Variants in KDM4A observed in about 807,000 individuals in gnomAD.
The protein encoded by KDM4A is lysine-specific demethylase 4A.
KDM4A carries 23 observed loss-of-function variants against 127.1 expected under a neutral mutation model. The observed-to-expected ratio is 0.18, with a 90% confidence interval of 0.13 to 0.26. KDM4A has a LOEUF of 0.26. Among genes scored for constraint, KDM4A ranks in the 10% least tolerant of loss-of-function variants. The probability of loss-of-function intolerance (pLI) is 1.00; values close to 1 mark genes in which losing one functional copy is unlikely to be tolerated. For missense variants in KDM4A, 890 were observed against 1,329.1 expected, an observed-to-expected ratio of 0.67 and a Z score of 5.14; for synonymous variants, 443 against 466.5, an observed-to-expected ratio of 0.95 and a Z score of 0.65.
At position 43,689,071 on chromosome 1, in the gene KDM4A, T is replaced by C. The variant is rs1221951777; in HGVS notation, c.2013T>C (p.Cys671=). 2 of 1,614,224 alleles carry C rather than the reference T, an allele frequency of 1.2e-6. No individual in the cohort carries two copies. The highest frequency in any genetic ancestry group is 2.2e-5 in the South Asian group (2 of 91,084). ...AACAGGCCCCTCACTGCGCTGTCTG[T>C]ATGATCTTCCAGACTTATCATCAGG... The part of the protein sequence containing the change: ...MAQQAPHCAV[C]MIFQTYHQVE... The change falls in exon 13 of 22, where the codon TGT becomes TGC. Residue 671 remains cysteine (C), a synonymous_variant. Coordinates refer to ENST00000372396, the MANE Select transcript of KDM4A (RefSeq NM_014663.3).
chr1:43,693,983 C>T lies in KDM4A; in HGVS notation c.2376-11C>T. 6.2e-7 allele frequency: 1 copy of T among 1,612,952 alleles called. No individual in the cohort carries two copies. Among genetic ancestry groups the T allele is most frequent in the Non-Finnish European group, 8.5e-7 (1 of 1,179,042 alleles). Reference sequence around the variant, plus strand: ...CCAGAGGTGACTGAGGGAGCCTTTGCCTTTTGGCAGGTGGGTCCACGTTTC... The same window carrying T: ...CCAGAGGTGACTGAGGGAGCCTTTGTCTTTTGGCAGGTGGGTCCACGTTTC... On this transcript the variant is annotated splice_polypyrimidine_tract_variant and intron_variant, in intron 16 of 21. Transcript: ENST00000372396. The surrounding 1 kb of genome is among the most constrained non-coding windows in gnomAD (Gnocchi z 4.2).
At chr1:43,676,221 T>G (rs770788670) in intron 11 of KDM4A, among the ~76,000 whole-genome samples, 1 of 151,908 alleles carries the variant, frequency 6.6e-6, no homozygotes, top group Non-Finnish European at 1.5e-5. Flanking sequence ...GCCTGAGAGG[T>G]TGAGGCTGCA....
At chr1:43,670,044 G>A (rs1006923191) in intron 10 of KDM4A, among the ~76,000 whole-genome samples, 6 of 152,218 alleles carry the variant, frequency 3.9e-5, no homozygotes. Context: ...AGGCAGCTGT[G>A]TGACCAGAAG....
chr1:43,703,410 TGGTCACC>T, intron 19 of KDM4A, 200 bp from the exon 20 acceptor site: 1 of 411,388 alleles, frequency 2.4e-6, no homozygotes, highest in African/African-American at 2.0e-5. Flanking sequence ...TTTTTTTTTT[TGGTCACC>T]TAGAAGCAGG....
Position 43,653,222 on chromosome 1 carries a change from C to T in KDM4A, c.47C>T (p.Thr16Ile), listed in dbSNP as rs149683962. The change falls in exon 2 of 22, where the codon ACC becomes ATC. Residue 16 changes from threonine to isoleucine, a missense_variant. Physicochemically the swap from Thr to Ile is moderately conservative, Grantham distance 89 (BLOSUM62 -1). Transcript: ENST00000372396. Reference protein sequence around the residue: ...ETLNPSARIMTFYPTMEEFRN... With the variant: ...ETLNPSARIMIFYPTMEEFRN... ...CTGAATCCCAGTGCTAGGATAATGA[C>T]CTTTTATCCAACTATGGAAGAGTTC... The T allele has an allele frequency of 1.2e-6, 2 of 1,613,362 alleles. No individual in the cohort carries two copies. The highest frequency in any genetic ancestry group is 2.7e-5 in the African/African-American group (2 of 74,874).
chr1:43,694,464 C>T lies in KDM4A; in HGVS notation c.2485-245C>T, dbSNP rs922287590. 6.7e-6 allele frequency among the ~76,000 whole-genome samples: 1 copy of T among 149,940 alleles called. No homozygotes were observed. The highest frequency in any genetic ancestry group is 1.5e-5 in the Non-Finnish European group (1 of 67,788). ...CCGGGAGGCGGAGGTTGCAGTGAGC[C>T]GATATTGTGTCACTGCACTCCAGCC... On this transcript the variant is annotated intron_variant, in intron 17 of 21. Transcript: ENST00000372396. This position sits in a 1 kb window ranked among gnomAD's most constrained non-coding sequence, Gnocchi z 5.2.
At chr1:43,660,253 A>G in intron 3 of KDM4A, 45 bp from the exon 4 acceptor site, 1 of 1,596,008 alleles carries the variant, frequency 6.3e-7, no homozygotes, top group Non-Finnish European at 8.6e-7. Context: ...AATGCCTAAT[A>G]AACCCCTGTA....
intron 12 of KDM4A, among the ~76,000 whole-genome samples, chr1:43,685,179 C>T (rs557646580): frequency 3.4e-4 from 51 of 152,198 alleles, no homozygotes; most frequent in African/African-American, 1.2e-3. Flanking sequence ...GGCAGAGAAG[C>T]AGGGTAAGCA....
chr1:43,670,556 ATTTTTTTTT>A (rs35331772), intron 10 of KDM4A, among the ~76,000 whole-genome samples: 1 of 76,162 alleles, frequency 1.3e-5, no homozygotes, highest in African/African-American at 5.2e-5. Flanking sequence ...CGCCTGGCTA[ATTTTTTTTT>A]TTTTTTTTTT....
Position 43,692,243 on chromosome 1 carries a change from C to T in KDM4A, c.2320-13C>T, listed in dbSNP as rs776913870. 5 of 1,613,934 alleles carry T rather than the reference C, an allele frequency of 3.1e-6. No homozygotes were observed. In the African/African-American group the frequency reaches 4.0e-5, roughly 13 times the overall value. ...GTATTAACCACTTTTTCCTCCCTCT[C>T]CTTTCTTGGCAGGACTGCTGTTTAT... On this transcript the variant is annotated splice_polypyrimidine_tract_variant and intron_variant, in intron 15 of 21. Transcript: ENST00000372396.
chr1:43,699,555 C>A (rs1189175255), intron 19 of KDM4A, among the ~76,000 whole-genome samples: 1 of 152,082 alleles, frequency 6.6e-6, no homozygotes, highest in African/African-American at 2.4e-5. Flanking sequence ...AAGTTAGAGA[C>A]CCCAAAGAGC....
At chr1:43,661,310 T>TAA (rs1350796616) in intron 4 of KDM4A, among the ~76,000 whole-genome samples, 1 of 151,392 alleles carries the variant, frequency 6.6e-6, no homozygotes, top group Non-Finnish European at 1.5e-5. Flanking sequence ...TTGGAAGAGT[T>TAA]AAAAAAATGA....
intron 9 of KDM4A, 74 bp downstream of exon 9, chr1:43,668,093 GC>G (rs1240663387): frequency 1.1e-5 from 17 of 1,541,734 alleles, no homozygotes; most frequent in Middle Eastern, 2.3e-4. Context: ...CTGTGGAGAG[GC>G]TGTTTCTTGT....
chr1:43,672,052 G>A (rs1660631871), intron 11 of KDM4A, among the ~76,000 whole-genome samples, 177 bp downstream of exon 11: 1 of 152,138 alleles, frequency 6.6e-6, no homozygotes, highest in African/African-American at 2.4e-5. Flanking sequence ...AAAAGCCTGG[G>A]GTGGCATTCA....
Position 43,690,855 on chromosome 1 carries a change from G to A in KDM4A, c.2048G>A (p.Gly683Glu). 1 of 1,614,146 alleles carries A rather than the reference G, an allele frequency of 6.2e-7. No homozygotes were observed. Among genetic ancestry groups the A allele is most frequent in the Non-Finnish European group, 8.5e-7 (1 of 1,180,028 alleles). The change falls in exon 14 of 22, where the codon GGA becomes GAA. Residue 683 changes from glycine (G) to glutamate (E), a missense_variant. Gly to Glu is a moderately conservative substitution (Grantham distance 98). This residue lies in a region of KDM4A where 389 missense variants were observed against 485.9 expected (regional missense o/e 0.80). Transcript: ENST00000372396. The part of the protein sequence containing the change: ...IFQTYHQVEF[G>E]GFNQNCGNAS... ...GTTCTTTCCCCTTAGGTTGAATTTG[G>A]AGGCTTTAATCAGAACTGTGGAAAT...
chr1:43,660,339 G>C lies in KDM4A; in HGVS notation c.356G>C (p.Arg119Pro). 2 of 1,614,066 alleles carry C rather than the reference G, an allele frequency of 1.2e-6. No homozygotes were observed. The highest frequency in any genetic ancestry group is 1.7e-6 in the Non-Finnish European group (2 of 1,179,978). Residue 119 changes from arginine to proline, a missense_variant, in exon 4 of 22, where the codon CGG (arginine) becomes CCG (proline). This residue lies in a region of KDM4A where 41 missense variants were observed against 40.8 expected (regional missense o/e 1.00). Coordinates refer to ENST00000372396, the MANE Select transcript of KDM4A (RefSeq NM_014663.3). ...PRYSEFEELE[R>P]KYWKNLTFNP... ...TATAGTGAGTTTGAAGAGCTCGAGC[G>C]GAAATACTGGAAAAATCTTACATTC...
At position 43,665,781 on chromosome 1, in the gene KDM4A, C is replaced by T. The variant is rs562958939; in HGVS notation, c.673+36C>T. The T allele has an allele frequency of 5.0e-6, 8 of 1,609,032 alleles. No homozygotes were observed. The Admixed American group carries it at 6.7e-5, about 13-fold the overall frequency. ...TCTTCTGTTTGCTGGATTGGACCCT[C>T]CTATGAGCTGTGCTCCTTGCTCTGC... On this transcript the variant is annotated intron_variant, in intron 6 of 21. Transcript: ENST00000372396.
At chr1:43,682,499 C>T (rs1190305657) in intron 11 of KDM4A, among the ~76,000 whole-genome samples, 1 of 152,218 alleles carries the variant, frequency 6.6e-6, no homozygotes, top group East Asian at 1.9e-4. Flanking sequence ...CCACCATATT[C>T]CTCCATACTG....
Position 43,704,712 on chromosome 1 carries a change from C to A in KDM4A, c.*342C>A. The A allele has an allele frequency of 3.4e-6, 1 of 295,722 alleles. No homozygotes were observed. The allele number at this position is 295,722 out of a possible 1,614,324, so 18.3% of individuals were successfully genotyped here. A position where few individuals can be genotyped will look rare whatever the true frequency, so the allele number is the denominator to read the frequency against. The stretch of plus-strand genomic sequence containing the variant: ...TAGGACTTAGCTTCATAACTATCAC[C>A]TGCACCGACTAGGCTGAGGTGCTGG... On this transcript the variant is annotated 3_prime_UTR_variant, in exon 22 of 22. Transcript: ENST00000372396.
Sources: allele counts gnomAD v4.1 joint callset (sites outside exome capture counted in the v4.1 genomes callset), GRCh38; gene constraint gnomAD v4.1.1; regional missense constraint gnomAD v4.1.1; non-coding constraint Gnocchi (gnomAD v3.1); transcripts MANE v1.5; gene names NCBI Gene and HGNC (gene_info 2026-07-23, HGNC 2026-07-21).